The following TANK variants were observed in gnomAD, a reference collection of about 807,000 sequenced individuals.
TANK encodes TRAF family member associated NFKB activator.
In TANK, 15 loss-of-function variants were observed where a neutral mutation model predicts 43.6. The observed-to-expected ratio is 0.34, with a 90% CI of 0.23 to 0.53. TANK has a LOEUF of 0.53. TANK is among the 20% of genes least tolerant of loss of function. The pLI, the probability that TANK is intolerant of heterozygous loss-of-function variation, is 0.94. For missense variants in TANK, 417 were observed against 498.6 expected, an observed-to-expected ratio of 0.84 and a Z score of 1.56; for synonymous variants, 162 against 178.2, an observed-to-expected ratio of 0.91 and a Z score of 0.73.
intron 7 of TANK, 84 bp from the exon 8 acceptor site, chr2:161,235,258 A>T: frequency 8.1e-7 from 1 of 1,241,592 alleles, no homozygotes; most frequent in Non-Finnish European, 1.1e-6. Flanking sequence ...GCCCATGCGT[A>T]ACTCATTCAG....
At chr2:161,198,712 C>A (rs916892984) in intron 2 of TANK, among the ~76,000 whole-genome samples, 1 of 152,138 alleles carries the variant, frequency 6.6e-6, no homozygotes, top group African/African-American at 2.4e-5. Context: ...CTCAAAGAGG[C>A]AAGTAAATTA....
At chr2:161,213,418 C>T (rs995181553) in intron 4 of TANK, among the ~76,000 whole-genome samples, 3 of 151,984 alleles carry the variant, frequency 2.0e-5, no homozygotes, top group Admixed American at 6.6e-5. Context: ...ACCTGGCCAA[C>T]GTGATGAAAC....
chr2:161,147,294 C>A (rs927219966), intron 1 of TANK, among the ~76,000 whole-genome samples: 14 of 152,182 alleles, frequency 9.2e-5, no homozygotes, highest in Admixed American at 6.5e-4. Flanking sequence ...CATCTCTCCC[C>A]CCAAGGAGCT....
rs144151662 is a variant in TANK, at chr2:161,211,972, G to C, written c.327+7179G>C. On this transcript the variant is annotated intron_variant, in intron 4 of 7. Transcript: ENST00000392749. Reference sequence around the variant, plus strand: ...GACTAGCCTTTTTTATAGACTTTCTGGTAGAATGTTAATTAGAAAGGAAAA... The same window carrying C: ...GACTAGCCTTTTTTATAGACTTTCTCGTAGAATGTTAATTAGAAAGGAAAA... 1.1e-3 allele frequency: 1,053 copies of C among 950,358 alleles called. 10 individuals carry two copies. In the African/African-American group the frequency reaches 0.017, roughly 15 times the overall value. 58.9% of individuals were successfully genotyped at this position (950,358 alleles called of 1,614,324 possible).
At chr2:161,152,019 A>G (rs1031378684) in intron 1 of TANK, among the ~76,000 whole-genome samples, 1 of 152,170 alleles carries the variant, frequency 6.6e-6, no homozygotes, top group East Asian at 1.9e-4. Flanking sequence ...ATTTTAACTT[A>G]TACCAACTTA....
chr2:161,201,048 A>G (rs1053671028), intron 2 of TANK: 4 of 953,540 alleles, frequency 4.2e-6, no homozygotes, highest in Admixed American at 6.2e-5. Flanking sequence ...GACATTAGAC[A>G]ATTAGACTAG....
chr2:161,145,339 T>C (rs1482335201), intron 1 of TANK, among the ~76,000 whole-genome samples: 1 of 151,782 alleles, frequency 6.6e-6, no homozygotes, highest in East Asian at 1.9e-4. Flanking sequence ...AGGTTAATAA[T>C]GTTATATGTG....
chr2:161,223,986 TG>T lies in TANK; in HGVS notation c.400del (p.Glu134LysfsTer5). The T allele has an allele frequency of 6.3e-7, 1 of 1,588,270 alleles. No individual in the cohort carries two copies. Among genetic ancestry groups the T allele is most frequent in the Non-Finnish European group, 8.6e-7 (1 of 1,162,702 alleles). ...ARSLGSPLLH[E>X]RGNIEKTFWD... is the part of the protein sequence containing the mutation. ...GGAGTCTTGGCAGTCCTTTGCTCCATGAAAGGTAGTTCTACATCCTTTTTTC... is the reference window on the plus strand; with the variant it reads ...GGAGTCTTGGCAGTCCTTTGCTCCATAAAGGTAGTTCTACATCCTTTTTTC... On this transcript the variant is annotated frameshift_variant, in exon 5 of 8. Transcript: ENST00000392749. LOFTEE classifies it high-confidence loss of function.
intron 4 of TANK, chr2:161,207,755 G>T (rs1686711662): frequency 1.0e-6 from 1 of 985,150 alleles, no homozygotes; most frequent in Non-Finnish European, 1.2e-6. Context: ...AAAGAACTCT[G>T]AATATATGGT....
At chr2:161,206,072 G>A (rs1686639994) in intron 4 of TANK, among the ~76,000 whole-genome samples, 4 of 152,066 alleles carry the variant, frequency 2.6e-5, no homozygotes. Context: ...TCTAGAATTG[G>A]GGAGAAAAGA....
intron 4 of TANK, among the ~76,000 whole-genome samples, chr2:161,208,365 G>A (rs1686738453): frequency 6.6e-6 from 1 of 152,118 alleles, no homozygotes; most frequent in Non-Finnish European, 1.5e-5. Context: ...ACAGAAAGAG[G>A]TAAAGACAAA....
At chr2:161,187,458 A>G (rs1685715735) in intron 2 of TANK, among the ~76,000 whole-genome samples, 1 of 152,042 alleles carries the variant, frequency 6.6e-6, no homozygotes, top group Non-Finnish European at 1.5e-5. Flanking sequence ...AACAAAAACT[A>G]CTACAAGAGA....
chr2:161,230,418 A>G (rs1362053370), intron 6 of TANK, among the ~76,000 whole-genome samples: 1 of 152,164 alleles, frequency 6.6e-6, no homozygotes, highest in Non-Finnish European at 1.5e-5. Flanking sequence ...ATGCATCACA[A>G]TATTTCATCC....
At chr2:161,182,643 A>G (rs1030921567) in intron 2 of TANK, among the ~76,000 whole-genome samples, 10 of 152,088 alleles carry the variant, frequency 6.6e-5, no homozygotes, top group Admixed American at 2.0e-4. Flanking sequence ...GTCAACCTTC[A>G]TATGTTCAGC....
At chr2:161,183,970 G>C (rs1162624327) in intron 2 of TANK, among the ~76,000 whole-genome samples, 6 of 152,046 alleles carry the variant, frequency 3.9e-5, no homozygotes, top group Admixed American at 3.9e-4. Context: ...GATAATACAT[G>C]AGCACAGAGA....
At position 161,223,961 on chromosome 2, in the gene TANK, G is replaced by A; in HGVS notation, c.374G>A (p.Arg125Lys). Residue 125 changes from arginine to lysine, a missense_variant, in exon 5 of 8, where the codon AGG becomes AAG. By Grantham distance (26) the Arg-to-Lys change is conservative (BLOSUM62 2). Coordinates refer to ENST00000392749, the MANE Select transcript of TANK (RefSeq NM_001199135.3). Reference sequence around the variant, plus strand: ...TCTCCTAGAAAAGAAACTTCAGCAAGGAGTCTTGGCAGTCCTTTGCTCCAT... The same window carrying A: ...TCTCCTAGAAAAGAAACTTCAGCAAAGAGTCTTGGCAGTCCTTTGCTCCAT... The part of the protein sequence containing the change: ...VSSPRKETSA[R>K]SLGSPLLHER... 6.2e-7 allele frequency: 1 copy of A among 1,602,786 alleles called. No homozygotes were observed. The highest frequency in any genetic ancestry group is 8.5e-7 in the Non-Finnish European group (1 of 1,172,676).
At chr2:161,175,587 A>G (rs1436280956) in intron 1 of TANK, among the ~76,000 whole-genome samples, 1 of 152,168 alleles carries the variant, frequency 6.6e-6, no homozygotes, top group East Asian at 1.9e-4. Context: ...AAGTTTTGCT[A>G]GGGCTGGGAA....
intron 4 of TANK, among the ~76,000 whole-genome samples, chr2:161,218,725 A>C (rs1328451301): frequency 6.6e-6 from 1 of 152,230 alleles, no homozygotes; most frequent in Non-Finnish European, 1.5e-5. Flanking sequence ...CTTAAATAAT[A>C]GCTATTTTCA....
intron 2 of TANK, among the ~76,000 whole-genome samples, chr2:161,200,097 G>T (rs1045698360): frequency 6.6e-6 from 1 of 152,182 alleles, no homozygotes; most frequent in Non-Finnish European, 1.5e-5. Context: ...TTGGTAACTT[G>T]TTGCTGCCAT....
Sources: allele counts gnomAD v4.1 joint callset (sites outside exome capture counted in the v4.1 genomes callset), GRCh38; gene constraint gnomAD v4.1.1; transcripts MANE v1.5; gene names NCBI Gene and HGNC (gene_info 2026-07-23, HGNC 2026-07-21).